Variants in AFF2 observed in about 807,000 individuals in gnomAD.
AFF2 encodes AF4/FMR2 family member 2.
Under a neutral mutation model 76.9 loss-of-function variants are expected in AFF2, and 14 were observed. The ratio of observed to expected loss-of-function variants is 0.18; its 90% CI spans 0.12 to 0.28. AFF2 has a LOEUF of 0.28. Among genes scored for constraint, AFF2 ranks in the 10% least tolerant of loss-of-function variants. The pLI is 1.00. For synonymous variants in AFF2, 398 were observed against 366.7 expected, an observed-to-expected ratio of 1.09 and a Z score of -0.98; for missense variants, 868 against 1,001.1, an observed-to-expected ratio of 0.87 and a Z score of 1.79.
chrX:148,797,145 G>A (rs1473161605), intron 3 of AFF2, among the ~76,000 whole-genome samples: 2 of 112,246 alleles, frequency 1.8e-5, no homozygotes, highest in Non-Finnish European at 3.8e-5. Flanking sequence ...TTTAATTTTA[G>A]ATTAGAGACT....
intron 3 of AFF2, among the ~76,000 whole-genome samples, chrX:148,774,826 T>A (rs2069648138): frequency 8.9e-6 from 1 of 112,165 alleles, no homozygotes; most frequent in Non-Finnish European, 1.9e-5. Context: ...GTGCTTATTC[T>A]TTGGTCAAAT....
chrX:148,918,087 A>G (rs1322918572), intron 9 of AFF2, among the ~76,000 whole-genome samples: 8 of 112,217 alleles, frequency 7.1e-5, no homozygotes, highest in South Asian at 3.7e-4. Flanking sequence ...GAGATTTTGT[A>G]TGGGACAAAC....
chrX:148,588,187 A>G (rs781907292), intron 1 of AFF2, among the ~76,000 whole-genome samples: 100 of 113,124 alleles, frequency 8.8e-4, no homozygotes, highest in Non-Finnish European at 9.7e-4. Context: ...TGAAATGTCA[A>G]CGTTAATCCA....
chrX:148,892,843 T>C (rs2124170429), intron 8 of AFF2, among the ~76,000 whole-genome samples: 1 of 111,767 alleles, frequency 8.9e-6, no homozygotes, highest in Non-Finnish European at 1.9e-5. Context: ...CCAAGGTTTC[T>C]CTGCATTTCT....
intron 3 of AFF2, among the ~76,000 whole-genome samples, chrX:148,683,982 C>T (rs1557260146): frequency 2.7e-5 from 3 of 111,459 alleles, no homozygotes; most frequent in African/African-American, 9.8e-5. Flanking sequence ...TGAATTTGTG[C>T]CTGGTATACA....
In AFF2 at chrX:148,582,036, G is replaced by A. The variant is rs1018211984; in HGVS notation, c.48-69963G>A. Among the ~76,000 whole-genome samples the A allele has an allele frequency of 4.5e-5, 5 of 111,483 alleles. No individual in the cohort carries two copies. The Admixed American group carries it at 4.8e-4, about 11-fold the overall frequency. ...TGTCCTTGATATTTTTGAAAATACA[G>A]GGCAGTTATTTTGCAAAGTGTCCTT... On this transcript the variant is annotated intron_variant, in intron 1 of 20. Transcript: ENST00000370460.
chrX:148,678,085 GCAGT>G lies in AFF2; in HGVS notation c.1041+15323_1041+15326del, dbSNP rs781831346. ...AATGTATTTACTTGACTTTACTTAT[GCAGT>G]CAGTCTCAGTTCTCAACTATTTGAA... On this transcript the variant is annotated intron_variant, in intron 3 of 20. Coordinates refer to ENST00000370460, the MANE Select transcript of AFF2 (RefSeq NM_002025.4). 1.3e-4 allele frequency among the ~76,000 whole-genome samples: 14 copies of G among 111,984 alleles called. No homozygotes were observed. In the South Asian group the frequency reaches 4.4e-3, roughly 35 times the overall value.
chrX:148,513,607 G>A (rs1395935219), intron 1 of AFF2, among the ~76,000 whole-genome samples: 1 of 111,870 alleles, frequency 8.9e-6, no homozygotes, highest in Non-Finnish European at 1.9e-5. Context: ...ATATGATTAG[G>A]AGAAAGTTCT....
chrX:148,713,803 C>T (rs1333394972), intron 3 of AFF2, among the ~76,000 whole-genome samples: 4 of 111,267 alleles, frequency 3.6e-5, no homozygotes, highest in Non-Finnish European at 5.7e-5. Flanking sequence ...CAGAAATGCA[C>T]GAAGGGGACA....
chrX:148,514,696 T>G, intron 1 of AFF2, among the ~76,000 whole-genome samples: 1 of 112,189 alleles, frequency 8.9e-6, no homozygotes, highest in South Asian at 3.8e-4. Flanking sequence ...CAACCCTCAG[T>G]TCTCTATCAC....
intron 8 of AFF2, among the ~76,000 whole-genome samples, chrX:148,896,336 CA>C (rs1337650352): frequency 1.8e-4 from 20 of 111,771 alleles, no homozygotes; most frequent in African/African-American, 6.5e-4. Context: ...AAACTGTTCT[CA>C]GCAACTTTTC....
chrX:148,837,794 C>A, intron 5 of AFF2, 61 bp downstream of exon 5: 1 of 845,584 alleles, frequency 1.2e-6, no homozygotes. Context: ...AATCTTCCAA[C>A]TGGATTCTCA....
Position 148,581,398 on chromosome X carries a change from A to ATACGTC in AFF2, c.48-70596_48-70595insCTACGT, listed in dbSNP as rs2053395666. 1.1e-4 allele frequency among the ~76,000 whole-genome samples: 8 copies of ATACGTC among 74,598 alleles called. 1 individual carries two copies. The highest frequency in any genetic ancestry group is 4.1e-4 in the African/African-American group (8 of 19,637). The allele number at this position is 74,598 out of a possible 115,157, so 64.8% of individuals were successfully genotyped here. Reference sequence around the variant, plus strand: ...TACACACATATACACGTATATACGTATACGTGTACACACATATACGTATAC... The same window carrying ATACGTC: ...TACACACATATACACGTATATACGTATACGTCTACGTGTACACACATATACGTATAC... On this transcript the variant is annotated intron_variant, in intron 1 of 20. Coordinates refer to ENST00000370460, the MANE Select transcript of AFF2 (RefSeq NM_002025.4).
At chrX:148,522,972 T>C (rs1388670816) in intron 1 of AFF2, among the ~76,000 whole-genome samples, 1 of 111,982 alleles carries the variant, frequency 8.9e-6, no homozygotes. Flanking sequence ...TTTCCTGAGG[T>C]CAAATTTTGT....
chrX:148,612,744 C>A (rs2053747039), intron 1 of AFF2, among the ~76,000 whole-genome samples: 1 of 111,775 alleles, frequency 8.9e-6, no homozygotes, highest in African/African-American at 3.2e-5. Context: ...GAAAAGATAA[C>A]CAATGTGCAA....
At chrX:148,705,918 C>T (rs2054879284) in intron 3 of AFF2, among the ~76,000 whole-genome samples, 1 of 111,466 alleles carries the variant, frequency 9.0e-6, no homozygotes, top group South Asian at 3.8e-4. Context: ...ACTGTGCAAT[C>T]CTGGGGCTCT....
chrX:148,719,272 CA>C, intron 3 of AFF2: 1 of 1,025,205 alleles, frequency 9.8e-7, no homozygotes, highest in Non-Finnish European at 1.3e-6. Flanking sequence ...TACAATCAGC[CA>C]AAGGCTTAAC....
At chrX:148,736,993 T>C (rs2055292491) in intron 3 of AFF2, among the ~76,000 whole-genome samples, 1 of 111,911 alleles carries the variant, frequency 8.9e-6, no homozygotes, top group Non-Finnish European at 1.9e-5. Flanking sequence ...TTTATAGCAG[T>C]ACCACACTGT....
At chrX:148,575,156 A>G in intron 1 of AFF2, among the ~76,000 whole-genome samples, 1 of 111,250 alleles carries the variant, frequency 9.0e-6, no homozygotes, top group Non-Finnish European at 1.9e-5. Flanking sequence ...ATATTTTTCA[A>G]GTTGGCTTTC....
Sources: gnomAD v4.1 joint callset for allele counts (sites outside exome capture counted in the v4.1 genomes callset) on GRCh38, gnomAD v4.1.1 for gene constraint, MANE v1.5 for transcripts, NCBI Gene and HGNC (gene_info 2026-07-23, HGNC 2026-07-21) for gene names.